The following MAPKAP1 variants were observed in gnomAD, a reference collection of about 807,000 sequenced individuals.
MAPKAP1 encodes target of rapamycin complex 2 subunit MAPKAP1.
MAPKAP1 carries 20 observed loss-of-function variants against 65.7 expected under a neutral mutation model. That is an observed-to-expected ratio of 0.30 (90% CI 0.21 to 0.44). The LOEUF (loss-of-function observed/expected upper bound fraction) is 0.44, where lower values mean the gene tolerates loss of function less well. MAPKAP1 is among the 20% of genes least tolerant of loss of function. MAPKAP1 has a pLI of 1.00. For missense variants in MAPKAP1, 423 were observed against 648.0 expected, an observed-to-expected ratio of 0.65 and a Z score of 3.77; for synonymous variants, 222 against 244.3, an observed-to-expected ratio of 0.91 and a Z score of 0.85.
intron 10 of MAPKAP1, among the ~76,000 whole-genome samples, chr9:125,465,117 G>A (rs186359410): frequency 6.6e-6 from 1 of 152,296 alleles, no homozygotes; most frequent in African/African-American, 2.4e-5. Context: ...TCTTCGGCAA[G>A]ACACTTGTGC....
At position 125,478,749 on chromosome 9, in the gene MAPKAP1, T is replaced by G. The variant is rs114815636; in HGVS notation, c.1207+5694A>C. ...TGGAAGTCTCCGTATATCTGATGAC[T>G]GAGGTGTGGGAGAGTTGGTACTAAC... On this transcript the variant is annotated intron_variant, in intron 9 of 11. Transcript: ENST00000265960. 6.1e-3 allele frequency among the ~76,000 whole-genome samples: 929 copies of G among 152,296 alleles called. 11 individuals carry two copies. The highest frequency in any genetic ancestry group is 0.021 in the African/African-American group (863 of 41,542).
At chr9:125,672,756 CCT>C (rs939703912) in intron 1 of MAPKAP1, 113 bp from the exon 2 acceptor site, 5 of 672,224 alleles carry the variant, frequency 7.4e-6, no homozygotes, top group Admixed American at 5.7e-5. Flanking sequence ...AACATTTATC[CCT>C]GTTCTGTGGA....
chr9:125,494,212 T>C (rs1181827621), intron 8 of MAPKAP1, among the ~76,000 whole-genome samples: 1 of 152,118 alleles, frequency 6.6e-6, no homozygotes. Context: ...AAACTTCTCT[T>C]CTATTAAACA....
At chr9:125,520,531 T>C (rs1829589604) in intron 7 of MAPKAP1, among the ~76,000 whole-genome samples, 1 of 152,236 alleles carries the variant, frequency 6.6e-6, no homozygotes, top group Non-Finnish European at 1.5e-5. Flanking sequence ...ACTCTGTTTT[T>C]TCCCACTCAA....
At chr9:125,583,199 T>C (rs748375293) in intron 5 of MAPKAP1, among the ~76,000 whole-genome samples, 37 of 152,322 alleles carry the variant, frequency 2.4e-4, no homozygotes, top group Middle Eastern at 3.4e-3. Flanking sequence ...AGGTCTATCA[T>C]AACCATGCTT....
intron 8 of MAPKAP1, 176 bp downstream of exon 8, chr9:125,506,134 C>A: frequency 3.1e-6 from 2 of 647,366 alleles, no homozygotes; most frequent in Admixed American, 4.3e-5. Flanking sequence ...CCAAAAAGCA[C>A]AAAATCAATC....
intron 8 of MAPKAP1, among the ~76,000 whole-genome samples, chr9:125,503,120 T>C (rs780973645): frequency 7.6e-4 from 115 of 152,222 alleles, no homozygotes; most frequent in Non-Finnish European, 3.4e-4. Context: ...CTTCAAACTT[T>C]CAGTACCCTT....
intron 7 of MAPKAP1, among the ~76,000 whole-genome samples, chr9:125,511,439 G>T (rs994519417): frequency 6.6e-6 from 1 of 152,136 alleles, no homozygotes. Context: ...AGAAGTGAGA[G>T]AATTCATACC....
chr9:125,625,549 T>A (rs1833092742), intron 4 of MAPKAP1, among the ~76,000 whole-genome samples: 1 of 152,048 alleles, frequency 6.6e-6, no homozygotes, highest in Non-Finnish European at 1.5e-5. Context: ...AATCCCAGCA[T>A]TTTGGGAGGA....
At chr9:125,470,299 G>T (rs1240603855) in intron 9 of MAPKAP1, among the ~76,000 whole-genome samples, 4 of 152,152 alleles carry the variant, frequency 2.6e-5, no homozygotes, top group Admixed American at 6.5e-5. Flanking sequence ...ACCCAAAGTG[G>T]CTGTTGATTT....
At chr9:125,680,251 A>C (rs1834782804) in intron 1 of MAPKAP1, among the ~76,000 whole-genome samples, 1 of 152,062 alleles carries the variant, frequency 6.6e-6, no homozygotes, top group Non-Finnish European at 1.5e-5. Flanking sequence ...GGGAGAAAAA[A>C]AGGCTTTTTA....
chr9:125,453,603 G>T (rs1240651471), intron 10 of MAPKAP1, among the ~76,000 whole-genome samples: 1 of 152,174 alleles, frequency 6.6e-6, no homozygotes, highest in Non-Finnish European at 1.5e-5. Flanking sequence ...AAGATTAGTT[G>T]CAATGTGGAA....
chr9:125,481,626 C>T (rs60890385), intron 9 of MAPKAP1, among the ~76,000 whole-genome samples: 4 of 151,896 alleles, frequency 2.6e-5, no homozygotes, highest in East Asian at 2.0e-4. Context: ...CTCACCATGT[C>T]GCCCAGGCTG....
intron 1 of MAPKAP1, among the ~76,000 whole-genome samples, chr9:125,680,230 T>C (rs915185547): frequency 3.3e-5 from 5 of 152,138 alleles, no homozygotes; most frequent in Non-Finnish European, 7.3e-5. Flanking sequence ...CAAGGAATGA[T>C]TACAAGTGAG....
intron 4 of MAPKAP1, among the ~76,000 whole-genome samples, chr9:125,608,096 T>C (rs1346653901): frequency 1.3e-5 from 2 of 152,116 alleles, no homozygotes; most frequent in South Asian, 2.1e-4. Context: ...ACTGCAACCA[T>C]GGCACTCTAG....
intron 5 of MAPKAP1, among the ~76,000 whole-genome samples, chr9:125,574,368 A>G (rs1831329349): frequency 6.6e-6 from 1 of 152,254 alleles, no homozygotes; most frequent in African/African-American, 2.4e-5. Context: ...AGCTGCCAGT[A>G]AAAGAATGTG....
intron 1 of MAPKAP1, among the ~76,000 whole-genome samples, chr9:125,701,108 G>C (rs990779551): frequency 6.6e-6 from 1 of 152,160 alleles, no homozygotes; most frequent in Non-Finnish European, 1.5e-5. Flanking sequence ...TCAGTTGTGT[G>C]ACTTTAAGCA....
At position 125,562,239 on chromosome 9, in the gene MAPKAP1, C is replaced by T. The variant is rs548616067; in HGVS notation, c.672-2430G>A. ...CTCTCAAAACAAATTCAATAAATAT[C>T]ACAGGCTAAGATTTGAGATGCAAAA... is the stretch of plus-strand genomic sequence containing the variant. On this transcript the variant is annotated intron_variant, in intron 5 of 11. Transcript: ENST00000265960. Among the ~76,000 whole-genome samples the T allele has an allele frequency of 2.6e-5, 4 of 152,322 alleles. No homozygotes were observed. In the South Asian group the frequency reaches 8.3e-4, roughly 32 times the overall value.
At chr9:125,640,410 G>A (rs1318136146) in intron 4 of MAPKAP1, among the ~76,000 whole-genome samples, 1 of 151,792 alleles carries the variant, frequency 6.6e-6, no homozygotes, top group Admixed American at 6.6e-5. Context: ...GCCACATTCT[G>A]TTTATCTCAG....
Sources: gnomAD v4.1 joint callset for allele counts (sites outside exome capture counted in the v4.1 genomes callset) on GRCh38, gnomAD v4.1.1 for gene constraint, MANE v1.5 for transcripts, NCBI Gene and HGNC (gene_info 2026-07-23, HGNC 2026-07-21) for gene names.